AFF3: variants seen among roughly 807,000 people sequenced by gnomAD.
The protein encoded by AFF3 is ALF transcription elongation factor 3.
AFF3 carries 32 observed loss-of-function variants against 129.7 expected under a neutral mutation model. The ratio of observed to expected loss-of-function variants is 0.25; its 90% CI spans 0.19 to 0.33. The LOEUF (loss-of-function observed/expected upper bound fraction) is 0.33, where lower values mean the gene tolerates loss of function less well. Ranked by LOEUF, AFF3 falls within the 10% of genes least tolerant of loss-of-function variation. The pLI is 1.00. For missense variants in AFF3, 1,373 were observed against 1,592.0 expected (o/e 0.86, Z 2.34); for synonymous variants, 644 against 635.4 (o/e 1.01, Z -0.20).
intron 19 of AFF3, among the ~76,000 whole-genome samples, chr2:99,567,134 ATT>A (rs35594854): frequency 0.048 from 6,290 of 129,940 alleles, 170 homozygotes; most frequent in Admixed American, 0.11. Context: ...CACCTGGCTC[ATT>A]TTTTTTTTTT....
intron 4 of AFF3, among the ~76,000 whole-genome samples, chr2:100,052,257 A>G (rs1044530750): frequency 6.6e-6 from 1 of 152,208 alleles, no homozygotes; most frequent in Non-Finnish European, 1.5e-5. Context: ...AACTCATTTA[A>G]TAGGATAAAG....
Position 99,550,814 on chromosome 2 carries a change from T to C in AFF3, c.*660A>G, listed in dbSNP as rs1674353147. The C allele has an allele frequency of 4.3e-6, 1 of 234,688 alleles. No homozygotes were observed. Among genetic ancestry groups the C allele is most frequent in the African/African-American group, 2.2e-5 (1 of 45,334 alleles). The allele number at this position is 234,688 out of a possible 1,614,324, so 14.5% of individuals were successfully genotyped here. A position where few individuals can be genotyped will look rare whatever the true frequency, so the allele number is the denominator to read the frequency against. Reference sequence around the variant, plus strand: ...GTTTGCCTGGAATGCATTTAGTTGATAATAGAGTCAGATGGGGGAAGGGAA... The same window carrying C: ...GTTTGCCTGGAATGCATTTAGTTGACAATAGAGTCAGATGGGGGAAGGGAA... On this transcript the variant is annotated 3_prime_UTR_variant, in exon 25 of 25. Coordinates refer to ENST00000672756, the MANE Select transcript of AFF3 (RefSeq NM_001386135.1).
chr2:99,655,766 G>A (rs1685693586), intron 12 of AFF3, among the ~76,000 whole-genome samples: 1 of 152,026 alleles, frequency 6.6e-6, no homozygotes, highest in South Asian at 2.1e-4. Flanking sequence ...ACGGAGGGAG[G>A]CAATAAGATT....
chr2:99,686,239 C>T (rs1425354629), intron 11 of AFF3, among the ~76,000 whole-genome samples: 1 of 152,012 alleles, frequency 6.6e-6, no homozygotes, highest in Non-Finnish European at 1.5e-5. Flanking sequence ...TCTGACTTTC[C>T]TATTTTAGAT....
chr2:100,059,247 CTG>C (rs2105213075), intron 4 of AFF3, among the ~76,000 whole-genome samples: 1 of 95,624 alleles, frequency 1.0e-5, no homozygotes, highest in East Asian at 3.1e-4. Context: ...AAGTGAGACT[CTG>C]TCTCCAAAAA....
chr2:99,828,926 T>C (rs1208159966), intron 8 of AFF3, among the ~76,000 whole-genome samples: 3 of 152,190 alleles, frequency 2.0e-5, no homozygotes, highest in Non-Finnish European at 2.9e-5. Flanking sequence ...AGTACTAATA[T>C]CACTTCAGCA....
intron 4 of AFF3, among the ~76,000 whole-genome samples, chr2:100,029,761 A>G (rs1684340644): frequency 6.6e-6 from 1 of 152,214 alleles, no homozygotes. Context: ...AACGCTACTG[A>G]ACTATATACT....
At chr2:99,686,932 A>G (rs1323527357) in intron 11 of AFF3, among the ~76,000 whole-genome samples, 4 of 152,240 alleles carry the variant, frequency 2.6e-5, no homozygotes, top group Admixed American at 6.5e-5. Flanking sequence ...GTAATCAATT[A>G]TTTAAGTCAT....
At chr2:100,067,454 A>C (rs955028464) in intron 4 of AFF3, among the ~76,000 whole-genome samples, 3 of 152,190 alleles carry the variant, frequency 2.0e-5, no homozygotes, top group Admixed American at 1.3e-4. Flanking sequence ...ATCCTTTCTG[A>C]GTGATCAGTC....
intron 20 of AFF3, among the ~76,000 whole-genome samples, chr2:99,561,177 T>G (rs1007517533): frequency 2.0e-5 from 3 of 152,254 alleles, no homozygotes; most frequent in African/African-American, 7.2e-5. Context: ...TTAACATCTT[T>G]AAGCCTCCAT....
At position 99,905,941 on chromosome 2, in the gene AFF3, T is replaced by C. The variant is rs188340681; in HGVS notation, c.874-68417A>G. On this transcript the variant is annotated intron_variant, in intron 7 of 24. Transcript: ENST00000672756. Reference sequence around the variant, plus strand: ...TTTTTTTTTAATTCCCTGTGTTTGATAAATACGCTGATAATCTTTGCTCTG... The same window carrying C: ...TTTTTTTTTAATTCCCTGTGTTTGACAAATACGCTGATAATCTTTGCTCTG... Among the ~76,000 whole-genome samples, 544 of 152,258 alleles carry C rather than the reference T, an allele frequency of 3.6e-3. 3 individuals are homozygous for C. The highest frequency in any genetic ancestry group is 6.1e-3 in the Non-Finnish European group (413 of 68,024).
chr2:99,734,632 A>C (rs1176048938), intron 10 of AFF3, among the ~76,000 whole-genome samples: 5 of 151,796 alleles, frequency 3.3e-5, no homozygotes, highest in Non-Finnish European at 7.4e-5. Context: ...AAACAATCCT[A>C]TTTTTCTTTT....
chr2:99,623,908 A>T (rs555533396), intron 13 of AFF3, among the ~76,000 whole-genome samples: 4 of 152,356 alleles, frequency 2.6e-5, no homozygotes, highest in Admixed American at 2.0e-4. Flanking sequence ...CTCTGAGCCC[A>T]GGCAGATGCT....
intron 13 of AFF3, among the ~76,000 whole-genome samples, chr2:99,626,429 C>T (rs1682569823): frequency 8.8e-6 from 1 of 114,156 alleles, no homozygotes. Context: ...TTTCTCTCTC[C>T]TCCCTCCCTC....
At chr2:99,687,713 GT>G in intron 11 of AFF3, among the ~76,000 whole-genome samples, 1 of 152,318 alleles carries the variant, frequency 6.6e-6, no homozygotes, top group South Asian at 2.1e-4. Context: ...TTTTATAGTA[GT>G]TTTAGATTTA....
At position 99,842,051 on chromosome 2, in the gene AFF3, T is replaced by C. The variant is rs552829910; in HGVS notation, c.874-4527A>G. On this transcript the variant is annotated intron_variant, in intron 7 of 24. Transcript: ENST00000672756. ...AAGGGGGAAGAGAGGAGAGGGGAAG[T>C]AGAGAGAAAAAGTCAAATCTACTAC... 1.2e-4 allele frequency among the ~76,000 whole-genome samples: 19 copies of C among 152,050 alleles called. 2 individuals carry two copies. Among genetic ancestry groups the C allele is most frequent in the East Asian group, 1.2e-3 (6 of 5,166 alleles).
chr2:99,624,302 A>G (rs1376061321), intron 13 of AFF3, among the ~76,000 whole-genome samples: 2 of 152,164 alleles, frequency 1.3e-5, no homozygotes, highest in African/African-American at 4.8e-5. Flanking sequence ...GGAAGCTTAC[A>G]GAAAGCTCCA....
At chr2:99,775,997 C>G (rs185563796) in intron 8 of AFF3, among the ~76,000 whole-genome samples, 7 of 152,118 alleles carry the variant, frequency 4.6e-5, no homozygotes, top group African/African-American at 1.7e-4. Flanking sequence ...TAAAATAAAC[C>G]CGATGCTTTA....
intron 7 of AFF3, among the ~76,000 whole-genome samples, chr2:99,842,396 T>C (rs989013332): frequency 6.6e-6 from 1 of 152,210 alleles, no homozygotes; most frequent in African/African-American, 2.4e-5. Context: ...CTTGGAAAGG[T>C]ACCCACTGAG....
Sources: allele counts gnomAD v4.1 joint callset (sites outside exome capture counted in the v4.1 genomes callset), GRCh38; gene constraint gnomAD v4.1.1; transcripts MANE v1.5; gene names NCBI Gene and HGNC (gene_info 2026-07-23, HGNC 2026-07-21).